Variants in ZFHX3 observed in about 807,000 individuals in gnomAD.
ZFHX3 encodes zinc finger homeobox 3.
Under a neutral mutation model 279.1 loss-of-function variants are expected in ZFHX3, and 42 were observed. That is an observed-to-expected ratio of 0.15 (90% CI 0.12 to 0.19). The LOEUF (loss-of-function observed/expected upper bound fraction) is 0.19, where lower values mean the gene tolerates loss of function less well. ZFHX3 is among the 10% of genes least tolerant of loss of function. The probability of loss-of-function intolerance (pLI) is 1.00; values close to 1 mark genes in which losing one functional copy is unlikely to be tolerated. For missense variants in ZFHX3, 4,981 were observed against 4,754.0 expected (o/e 1.05, Z -1.40); for synonymous variants, 2,293 against 1,957.8 (o/e 1.17, Z -4.52).
At chr16:73,202,461 C>T (rs1046906812) in intron 5 of ZFHX3, among the ~76,000 whole-genome samples, 2 of 152,252 alleles carry the variant, frequency 1.3e-5, no homozygotes, top group African/African-American at 4.8e-5. Flanking sequence ...GCAGCCCAGC[C>T]ATATGGCCAG....
At chr16:73,085,589 G>C (rs145756687) in intron 8 of ZFHX3, among the ~76,000 whole-genome samples, 1 of 152,318 alleles carries the variant, frequency 6.6e-6, no homozygotes, top group Non-Finnish European at 1.5e-5. Context: ...GCAAAGGACA[G>C]TCTCTTCAAT....
chr16:73,729,374 C>T (rs1271953799), intron 1 of ZFHX3, among the ~76,000 whole-genome samples: 1 of 152,104 alleles, frequency 6.6e-6, no homozygotes, highest in Admixed American at 6.5e-5. Context: ...TAAAAACATA[C>T]AAAAATTAGC....
In ZFHX3 at chr16:73,872,424, G is replaced by A. The variant is rs554078269; in HGVS notation, c.-1608+19227C>T. Among the ~76,000 whole-genome samples, 267 of 151,816 alleles carry A rather than the reference G, an allele frequency of 1.8e-3. 2 individuals carry two copies. Among genetic ancestry groups the A allele is most frequent in the Non-Finnish European group, 2.7e-3 (182 of 67,948 alleles). On this transcript the variant is annotated intron_variant, in intron 1 of 17. Coordinates refer to the ZFHX3 transcript ENST00000641206. ...ATTATTATTTATTTCTAGTAGACAC[G>A]GGGTTTCACCATGTTGGCCAGGCTG... is the stretch of plus-strand genomic sequence containing the variant.
intron 3 of ZFHX3, among the ~76,000 whole-genome samples, chr16:72,899,071 A>G (rs1402472179): frequency 6.6e-6 from 1 of 152,236 alleles, no homozygotes; most frequent in African/African-American, 2.4e-5. Context: ...CTAGGATATC[A>G]TATCAGGAAC....
chr16:72,979,888 TAGGTATGCTTTTAA>T (rs1191763482), intron 1 of ZFHX3, among the ~76,000 whole-genome samples: 2 of 152,176 alleles, frequency 1.3e-5, no homozygotes, highest in African/African-American at 4.8e-5. Flanking sequence ...AAAGGCATGC[TAGGTATGCTTTTAA>T]AGGTACACTA....
chr16:73,722,501 C>G (rs2053483124), intron 1 of ZFHX3, among the ~76,000 whole-genome samples: 1 of 152,210 alleles, frequency 6.6e-6, no homozygotes, highest in African/African-American at 2.4e-5. Context: ...AAGTTCTTTT[C>G]TCTCATCTCC....
intron 4 of ZFHX3, among the ~76,000 whole-genome samples, chr16:72,850,399 G>A (rs1224458141): frequency 6.6e-6 from 1 of 152,258 alleles, no homozygotes; most frequent in African/African-American, 2.4e-5. Context: ...CAGTAAATCT[G>A]TGCACACAAG....
At chr16:73,478,313 G>A (rs888455583) in intron 2 of ZFHX3, among the ~76,000 whole-genome samples, 15 of 148,296 alleles carry the variant, frequency 1.0e-4, no homozygotes, top group South Asian at 2.2e-4. Context: ...AAAGCCATAT[G>A]ACATGCCTGA....
intron 3 of ZFHX3, among the ~76,000 whole-genome samples, chr16:73,447,808 A>C (rs564227233): frequency 1.1e-4 from 16 of 152,354 alleles, no homozygotes; most frequent in African/African-American, 3.8e-4. Flanking sequence ...AGAACAAAAT[A>C]AATAACAGCA....
intron 1 of ZFHX3, among the ~76,000 whole-genome samples, chr16:73,860,794 T>G (rs1961861260): frequency 6.6e-6 from 1 of 152,054 alleles, no homozygotes; most frequent in Admixed American, 6.6e-5. Flanking sequence ...TTAAAGACAT[T>G]AGCCCAGCTT....
chr16:73,474,129 T>A lies in ZFHX3; in HGVS notation c.-1546-17871A>T, dbSNP rs558203206. ...CTTTGGGGTCTGGATTCTCGCTCTT[T>A]TTTATTTATTTATTTATTTATTTAT... On this transcript the variant is annotated intron_variant, in intron 2 of 17. Transcript: ENST00000641206. 3.3e-3 allele frequency among the ~76,000 whole-genome samples: 486 copies of A among 148,808 alleles called. 1 individual carries two copies. The highest frequency in any genetic ancestry group is 5.2e-3 in the Non-Finnish European group (348 of 67,458).
At chr16:73,750,694 C>A (rs1021688584) in intron 1 of ZFHX3, among the ~76,000 whole-genome samples, 2 of 152,102 alleles carry the variant, frequency 1.3e-5, no homozygotes, top group Non-Finnish European at 2.9e-5. Context: ...ATTCTCTGAG[C>A]TAGTAAAATT....
chr16:73,434,438 G>C (rs1006079388), intron 3 of ZFHX3, among the ~76,000 whole-genome samples: 3 of 152,150 alleles, frequency 2.0e-5, no homozygotes, highest in African/African-American at 7.2e-5. Flanking sequence ...GGGCTACCCT[G>C]CCCCAGTTAT....
At chr16:73,333,463 T>C (rs548734490) in intron 3 of ZFHX3, among the ~76,000 whole-genome samples, 10 of 152,038 alleles carry the variant, frequency 6.6e-5, no homozygotes, top group African/African-American at 2.2e-4. Context: ...GACACATAGA[T>C]AAACAGACAG....
intron 3 of ZFHX3, among the ~76,000 whole-genome samples, chr16:73,365,073 C>T (rs530646541): frequency 5.9e-5 from 9 of 152,232 alleles, no homozygotes; most frequent in Admixed American, 2.0e-4. Context: ...ATCACTGAGA[C>T]GATGTTTGTG....
chr16:73,339,668 T>A (rs1344857780), intron 3 of ZFHX3, among the ~76,000 whole-genome samples: 1 of 152,212 alleles, frequency 6.6e-6, no homozygotes, highest in Non-Finnish European at 1.5e-5. Flanking sequence ...ATAAGCCAAC[T>A]AATCAACCAT....
chr16:73,317,604 T>C (rs1056763760), intron 4 of ZFHX3, among the ~76,000 whole-genome samples: 5 of 152,178 alleles, frequency 3.3e-5, no homozygotes, highest in Non-Finnish European at 7.4e-5. Context: ...TTGCTGTGAT[T>C]GCATCACTGC....
chr16:73,165,096 G>A (rs984328988), intron 5 of ZFHX3, among the ~76,000 whole-genome samples: 1 of 152,196 alleles, frequency 6.6e-6, no homozygotes, highest in Admixed American at 6.5e-5. Context: ...TCTTTGACAT[G>A]ACGAGGTCAG....
chr16:72,870,550 A>G (rs1246388268), intron 4 of ZFHX3, among the ~76,000 whole-genome samples: 1 of 152,026 alleles, frequency 6.6e-6, no homozygotes, highest in African/African-American at 2.4e-5. Flanking sequence ...TCTACTAAAA[A>G]TACAAAAAAT....
Sources: gnomAD v4.1 joint callset for allele counts (sites outside exome capture counted in the v4.1 genomes callset) on GRCh38, gnomAD v4.1.1 for gene constraint, MANE v1.5 for transcripts, NCBI Gene and HGNC (gene_info 2026-07-23, HGNC 2026-07-21) for gene names.